Variants in SLC24A3 observed in about 807,000 individuals in gnomAD.
The protein encoded by SLC24A3 is sodium/potassium/calcium exchanger 3.
SLC24A3 carries 28 observed loss-of-function variants against 75.8 expected under a neutral mutation model. The observed-to-expected ratio is 0.37, with a 90% CI of 0.27 to 0.51. The LOEUF is 0.51. SLC24A3 is among the 20% of genes least tolerant of loss of function. The pLI is 0.94. For missense variants in SLC24A3, 663 were observed against 847.8 expected (o/e 0.78, Z 2.71); for synonymous variants, 372 against 334.1 (o/e 1.11, Z -1.24).
At chr20:19,446,092 T>C (rs1317590669) in intron 2 of SLC24A3, among the ~76,000 whole-genome samples, 1 of 152,144 alleles carries the variant, frequency 6.6e-6, no homozygotes, top group African/African-American at 2.4e-5. Context: ...CTCTGACTCA[T>C]CTGCCCAGGA....
chr20:19,410,959 C>T (rs1227276068), intron 2 of SLC24A3, among the ~76,000 whole-genome samples: 1 of 152,296 alleles, frequency 6.6e-6, no homozygotes, highest in Middle Eastern at 3.4e-3. Flanking sequence ...AACATCCCAG[C>T]CTTTTGAGTT....
intron 2 of SLC24A3, among the ~76,000 whole-genome samples, chr20:19,406,548 TA>T (rs1313422405): frequency 6.6e-6 from 1 of 152,206 alleles, no homozygotes; most frequent in Non-Finnish European, 1.5e-5. Context: ...ATTTCTACCT[TA>T]AAGGAATTTA....
rs1293134473 is a variant in SLC24A3 at position 19,264,098 on chromosome 20, G to A, written c.143-16861G>A. 1.6e-4 allele frequency: 23 copies of A among 148,048 alleles called. No homozygotes were observed. The Admixed American group carries it at 1.6e-3, about 10-fold the overall frequency. 9.2% of individuals were successfully genotyped at this position (148,048 alleles called of 1,614,324 possible). A position where few individuals can be genotyped will look rare whatever the true frequency, so the allele number is the denominator to read the frequency against. ...CTTACTGTGGTGGTGCACGTCTGTA[G>A]TTCTAGCTAGCTAATTTCCACCACT... is the stretch of plus-strand genomic sequence containing the variant. On this transcript the variant is annotated intron_variant, in intron 1 of 16. Transcript: ENST00000328041.
chr20:19,398,168 A>G (rs1435905633), intron 2 of SLC24A3, among the ~76,000 whole-genome samples: 1 of 152,054 alleles, frequency 6.6e-6, no homozygotes, highest in Non-Finnish European at 1.5e-5. Flanking sequence ...ATATACCTTT[A>G]TTACTTAACT....
chr20:19,717,587 T>C lies in SLC24A3; in HGVS notation c.1779T>C (p.Phe593=). 2 of 1,614,202 alleles carry C rather than the reference T, an allele frequency of 1.2e-6. No homozygotes were observed. The highest frequency in any genetic ancestry group is 1.7e-6 in the Non-Finnish European group (2 of 1,180,006). Residue 593 remains phenylalanine (F), a synonymous_variant, in exon 16 of 17, where the codon TTT becomes TTC. Transcript: ENST00000328041. The stretch of plus-strand genomic sequence containing the variant: ...TAGGCTTGCTCCTGGCCTCTGTTTT[T>C]GTCACGGTAGGTTGGCAGCTCTCTC... ...YSVGLLLASV[F]VTVFGVHLNK...
chr20:19,299,198 ATGTGTGTG>A (rs57048749), intron 2 of SLC24A3, among the ~76,000 whole-genome samples: 1 of 144,912 alleles, frequency 6.9e-6, no homozygotes, highest in African/African-American at 2.5e-5. Flanking sequence ...GTGTGTGTGT[ATGTGTGTG>A]TGTGTGTGTG....
intron 2 of SLC24A3, among the ~76,000 whole-genome samples, chr20:19,458,600 G>A (rs552818782): frequency 3.9e-5 from 6 of 152,118 alleles, no homozygotes; most frequent in Non-Finnish European, 8.8e-5. Context: ...GACTACTCTA[G>A]GTACCTCATA....
chr20:19,688,715 C>T lies in SLC24A3; in HGVS notation c.1324+3354C>T, dbSNP rs190378063. The stretch of plus-strand genomic sequence containing the variant: ...CTGTTTCTGGCACCCAGCCACAGTG[C>T]TTTCTTCTCTCAGGACTTGACTATA... On this transcript the variant is annotated intron_variant, in intron 12 of 16. Coordinates refer to ENST00000328041, the MANE Select transcript of SLC24A3 (RefSeq NM_020689.4). Among the ~76,000 whole-genome samples, 596 of 152,310 alleles carry T rather than the reference C, an allele frequency of 3.9e-3. 3 individuals carry two copies. The highest frequency in any genetic ancestry group is 0.02 in the Middle Eastern group (6 of 294).
intron 6 of SLC24A3, among the ~76,000 whole-genome samples, chr20:19,608,447 T>C (rs929492041): frequency 6.6e-6 from 1 of 152,232 alleles, no homozygotes; most frequent in Non-Finnish European, 1.5e-5. Flanking sequence ...TTCTACAACA[T>C]GAGTTAAAGT....
chr20:19,477,653 G>A (rs187720817), intron 2 of SLC24A3, among the ~76,000 whole-genome samples: 2 of 152,232 alleles, frequency 1.3e-5, no homozygotes, highest in Admixed American at 1.3e-4. Context: ...GGCTCCTCCT[G>A]GCAGTGCTAT....
intron 15 of SLC24A3, among the ~76,000 whole-genome samples, chr20:19,711,362 G>T (rs2032990036): frequency 6.9e-6 from 1 of 144,398 alleles, no homozygotes; most frequent in Non-Finnish European, 1.5e-5. Context: ...ACACATGCAT[G>T]CACACATGCA....
At chr20:19,291,644 AGCAGCC>A (rs11467454) in intron 2 of SLC24A3, among the ~76,000 whole-genome samples, 6,054 of 152,306 alleles carry the variant, frequency 0.04, 398 homozygotes, top group African/African-American at 0.14. Context: ...ACTAAAGATT[AGCAGCC>A]TTTTTTAGAA....
At chr20:19,490,340 G>GA (rs1297368713) in intron 2 of SLC24A3, among the ~76,000 whole-genome samples, 3 of 152,156 alleles carry the variant, frequency 2.0e-5, no homozygotes, top group African/African-American at 7.2e-5. Context: ...TCTGGCAGTT[G>GA]AAAAATGTCT....
At chr20:19,424,889 T>C (rs967540840) in intron 2 of SLC24A3, among the ~76,000 whole-genome samples, 1 of 152,090 alleles carries the variant, frequency 6.6e-6, no homozygotes, top group Non-Finnish European at 1.5e-5. Context: ...ACTCATTCTA[T>C]AGTTAAATTT....
rs75265540 is a variant in SLC24A3, at chr20:19,705,332, G to T, written c.1719+6652G>T. On this transcript the variant is annotated intron_variant, in intron 15 of 16. Coordinates refer to ENST00000328041, the MANE Select transcript of SLC24A3 (RefSeq NM_020689.4). ...TCTCTGGATCCTTTGTTCAGTCCCT[G>T]GTCCCTCCCTGGCTCTCTTTGGGTG... Among the ~76,000 whole-genome samples the T allele has an allele frequency of 2.3e-3, 343 of 152,192 alleles. 1 individual carries two copies. The highest frequency in any genetic ancestry group is 7.9e-3 in the African/African-American group (330 of 41,528).
At chr20:19,664,253 G>A (rs1234979980) in intron 7 of SLC24A3, among the ~76,000 whole-genome samples, 2 of 152,136 alleles carry the variant, frequency 1.3e-5, no homozygotes, top group Non-Finnish European at 2.9e-5. Context: ...AAAGTTGGGG[G>A]GGTTATACAA....
chr20:19,457,074 C>T (rs1987590718), intron 2 of SLC24A3, among the ~76,000 whole-genome samples: 2 of 152,202 alleles, frequency 1.3e-5, no homozygotes, highest in African/African-American at 4.8e-5. Context: ...CTGCAAAGGG[C>T]ATCCAGAAAA....
intron 2 of SLC24A3, among the ~76,000 whole-genome samples, chr20:19,439,933 G>A (rs911627312): frequency 6.6e-6 from 1 of 152,120 alleles, no homozygotes; most frequent in African/African-American, 2.4e-5. Flanking sequence ...TGGGTGGGAG[G>A]GGGATGTTAG....
intron 1 of SLC24A3, among the ~76,000 whole-genome samples, chr20:19,245,471 T>A (rs1332865689): frequency 6.6e-6 from 1 of 152,038 alleles, no homozygotes; most frequent in African/African-American, 2.4e-5. Context: ...ACATTTTAAG[T>A]CCCTGTATTT....
Sources: allele counts gnomAD v4.1 joint callset (sites outside exome capture counted in the v4.1 genomes callset), GRCh38; gene constraint gnomAD v4.1.1; transcripts MANE v1.5; gene names NCBI Gene and HGNC (gene_info 2026-07-23, HGNC 2026-07-21).